AIG1: variants seen among roughly 807,000 people sequenced by gnomAD.
The protein encoded by AIG1 is androgen induced 1.
AIG1 carries 23 observed loss-of-function variants against 31.4 expected under a neutral mutation model. That is an observed-to-expected ratio of 0.73 (90% CI 0.53 to 1.04). AIG1 has a LOEUF of 1.04. Among genes scored for constraint, AIG1 ranks in the 50% least tolerant of loss-of-function variants. AIG1 has a pLI of 0.00. For missense variants in AIG1, 274 were observed against 295.0 expected (o/e 0.93, Z 0.52); for synonymous variants, 100 against 110.5 (o/e 0.90, Z 0.60).
intron 3 of AIG1, among the ~76,000 whole-genome samples, chr6:143,200,036 G>C (rs141122165): frequency 2.6e-5 from 4 of 152,316 alleles, no homozygotes; most frequent in Non-Finnish European, 4.4e-5. Context: ...GGTTTTGAGT[G>C]TGGGTATCTG....
intron 1 of AIG1, among the ~76,000 whole-genome samples, chr6:143,121,666 C>T (rs1782254893): frequency 6.6e-6 from 1 of 152,194 alleles, no homozygotes; most frequent in South Asian, 2.1e-4. Context: ...TCCAGTTGTG[C>T]ATGTCTTAAC....
chr6:143,183,437 G>A (rs1003244169), intron 3 of AIG1, among the ~76,000 whole-genome samples: 3 of 152,070 alleles, frequency 2.0e-5, no homozygotes, highest in Admixed American at 6.5e-5. Context: ...CTCATGATCC[G>A]CTTGACTTGG....
At chr6:143,142,815 G>A (rs1051210081) in intron 2 of AIG1, among the ~76,000 whole-genome samples, 3 of 152,202 alleles carry the variant, frequency 2.0e-5, no homozygotes, top group Middle Eastern at 6.3e-3. Flanking sequence ...TAATGGGACT[G>A]TATGGTATCT....
chr6:143,289,016 C>A (rs899407678), intron 4 of AIG1, among the ~76,000 whole-genome samples: 1 of 152,060 alleles, frequency 6.6e-6, no homozygotes, highest in African/African-American at 2.4e-5. Context: ...GTTGTGGAGA[C>A]CAAGGTTCTT....
At chr6:143,322,137 A>G (rs906560330) in intron 4 of AIG1, among the ~76,000 whole-genome samples, 15 of 150,194 alleles carry the variant, frequency 1.0e-4, no homozygotes, top group African/African-American at 3.6e-4. Context: ...CTCTTTATTA[A>G]AGGAGGTTGG....
chr6:143,312,868 AAAT>A (rs1775411106), intron 4 of AIG1, among the ~76,000 whole-genome samples: 1 of 152,166 alleles, frequency 6.6e-6, no homozygotes, highest in South Asian at 2.1e-4. Flanking sequence ...TATAGGGAAA[AAAT>A]AATAATCTGA....
chr6:143,194,259 G>C (rs1790034676), intron 3 of AIG1, among the ~76,000 whole-genome samples: 1 of 152,210 alleles, frequency 6.6e-6, no homozygotes, highest in Admixed American at 6.5e-5. Flanking sequence ...GTGAGAAAGA[G>C]CAAGCATGTG....
chr6:143,186,418 T>C (rs1157582115), intron 3 of AIG1, among the ~76,000 whole-genome samples: 1 of 152,218 alleles, frequency 6.6e-6, no homozygotes, highest in Non-Finnish European at 1.5e-5. Context: ...GTATAATAAT[T>C]AGCCCAGATT....
At chr6:143,170,913 G>T (rs1406975771) in intron 3 of AIG1, among the ~76,000 whole-genome samples, 2 of 151,400 alleles carry the variant, frequency 1.3e-5, no homozygotes, top group African/African-American at 4.8e-5. Context: ...GGAAGAAAAA[G>T]AAATAAAGAA....
At position 143,333,733 on chromosome 6, in the gene AIG1, A is replaced by C. The variant is rs1352749869; in HGVS notation, c.679+288A>C. On this transcript the variant is annotated intron_variant, in intron 5 of 5. Transcript: ENST00000357847. This position sits in a 1 kb window ranked among gnomAD's most constrained non-coding sequence, Gnocchi z 4.6. ...GAAAAATGTAGTGTTAGCAAAAAAT[A>C]TATATTAGGGAAATTTGTCCTCATT... 1.3e-5 allele frequency among the ~76,000 whole-genome samples: 2 copies of C among 152,192 alleles called. No individual in the cohort carries two copies. Among genetic ancestry groups the C allele is most frequent in the African/African-American group, 4.8e-5 (2 of 41,436 alleles).
chr6:143,102,359 C>T (rs1780365436), intron 1 of AIG1, among the ~76,000 whole-genome samples: 1 of 150,216 alleles, frequency 6.7e-6, no homozygotes, highest in Non-Finnish European at 1.5e-5. Context: ...TGTGACTCCT[C>T]AATTAATGTC....
At position 143,178,633 on chromosome 6, in the gene AIG1, C is replaced by T. The variant is rs73781103; in HGVS notation, c.399+13450C>T. ...GTGTCTATGCTGCTGTCCCAAGTCT[C>T]CATCCCCAGAGGGGCTTTGTCACTT... On this transcript the variant is annotated intron_variant, in intron 3 of 5. Transcript: ENST00000357847. Among the ~76,000 whole-genome samples the T allele has an allele frequency of 3.4e-3, 511 of 152,342 alleles. 1 individual carries two copies. Among genetic ancestry groups the T allele is most frequent in the African/African-American group, 0.012 (490 of 41,574 alleles).
chr6:143,314,879 T>A (rs773316644), intron 4 of AIG1, among the ~76,000 whole-genome samples: 110 of 152,180 alleles, frequency 7.2e-4, no homozygotes, highest in Non-Finnish European at 1.2e-3. Flanking sequence ...ATATAAAAAC[T>A]GTTCTTGGAG....
intron 4 of AIG1, among the ~76,000 whole-genome samples, chr6:143,308,621 T>C (rs1774997681): frequency 6.6e-6 from 1 of 152,228 alleles, no homozygotes; most frequent in South Asian, 2.1e-4. Flanking sequence ...CAACTAGTAC[T>C]CAGTCATTCA....
chr6:143,177,168 T>C (rs1788249763), intron 3 of AIG1, among the ~76,000 whole-genome samples: 1 of 152,254 alleles, frequency 6.6e-6, no homozygotes, highest in South Asian at 2.1e-4. Context: ...ATGATATCTA[T>C]TTTTAAAAAT....
intron 4 of AIG1, among the ~76,000 whole-genome samples, chr6:143,332,790 A>G (rs1204948876): frequency 6.6e-6 from 1 of 152,234 alleles, no homozygotes; most frequent in Non-Finnish European, 1.5e-5. Context: ...AGTGTTAATA[A>G]AGTCAGCCAT....
At chr6:143,283,633 C>T (rs1315052912) in intron 3 of AIG1, among the ~76,000 whole-genome samples, 1 of 152,212 alleles carries the variant, frequency 6.6e-6, no homozygotes, top group Non-Finnish European at 1.5e-5. Flanking sequence ...AAGCTATGGT[C>T]AAGACCGATG....
rs530569190 is a variant in AIG1 at position 143,292,444 on chromosome 6, A to C, written c.515+8219A>C. ...TGGAGAAAGGACTTGAACTGCCGTC[A>C]CTGGCTTTGAAGACAGAGGAAGGGG... On this transcript the variant is annotated intron_variant, in intron 4 of 5. Transcript: ENST00000357847. The surrounding 1 kb of genome is among the most constrained non-coding windows in gnomAD (Gnocchi z 4.9). Among the ~76,000 whole-genome samples the C allele has an allele frequency of 5.3e-5, 8 of 152,202 alleles. No individual in the cohort carries two copies. The highest frequency in any genetic ancestry group is 2.1e-4 in the South Asian group (1 of 4,836).
chr6:143,333,337 AT>A lies in AIG1; in HGVS notation c.573del (p.Ile191MetfsTer16). On this transcript the variant is annotated frameshift_variant, in exon 5 of 6. Transcript: ENST00000357847. LOFTEE classifies it high-confidence loss of function. This position sits in a 1 kb window ranked among gnomAD's most constrained non-coding sequence, Gnocchi z 4.6. ...GTGGGTGTACCCTTTCCTGGAACAC[AT>A]TGGCCCAGGAGCCAGAATCATCTTC... ...GMWVYPFLEHIGPGARIIFFG... is the reference protein window; with the variant it reads ...GMWVYPFLEHXGPGARIIFFG... 1.2e-6 allele frequency: 2 copies of A among 1,613,952 alleles called. No individual in the cohort carries two copies. The highest frequency in any genetic ancestry group is 1.7e-6 in the Non-Finnish European group (2 of 1,179,890).
Sources: allele counts gnomAD v4.1 joint callset (sites outside exome capture counted in the v4.1 genomes callset), GRCh38; gene constraint gnomAD v4.1.1; non-coding constraint Gnocchi (gnomAD v3.1); transcripts MANE v1.5; gene names NCBI Gene and HGNC (gene_info 2026-07-23, HGNC 2026-07-21).